The following AKIRIN2 variants were observed in gnomAD, a reference collection of about 807,000 sequenced individuals.
AKIRIN2 encodes akirin 2, also known as akirin-2.
Under a neutral mutation model 29.3 loss-of-function variants are expected in AKIRIN2, and 6 were observed. The ratio of observed to expected loss-of-function variants is 0.20; its 90% CI spans 0.11 to 0.40. The LOEUF is 0.40. Among genes scored for constraint, AKIRIN2 ranks in the 10% least tolerant of loss-of-function variants. The pLI is 1.00. For synonymous variants in AKIRIN2, 128 were observed against 117.5 expected (o/e 1.09, Z -0.58); for missense variants, 210 against 276.1 (o/e 0.76, Z 1.70).
Position 87,681,605 on chromosome 6 carries a change from A to G in AKIRIN2, c.379+15T>C. ...CTAAATAATAAACTTTGTAAATGAC[A>G]AGAAATGTTATTACCTGGTGAAGCT... On this transcript the variant is annotated intron_variant, in intron 2 of 4. Coordinates refer to ENST00000257787, the MANE Select transcript of AKIRIN2 (RefSeq NM_018064.4). 1.3e-6 allele frequency: 2 copies of G among 1,592,654 alleles called. No homozygotes were observed. The highest frequency in any genetic ancestry group is 2.3e-5 in the South Asian group (2 of 86,686).
intron 1 of AKIRIN2, among the ~76,000 whole-genome samples, chr6:87,686,171 T>C (rs1298553982): frequency 6.6e-6 from 1 of 152,046 alleles, no homozygotes; most frequent in African/African-American, 2.4e-5. Flanking sequence ...GCTGAGATCA[T>C]GCCACTGCAC....
At chr6:87,690,974 A>G (rs1469156218) in intron 1 of AKIRIN2, among the ~76,000 whole-genome samples, 1 of 152,026 alleles carries the variant, frequency 6.6e-6, no homozygotes, top group Non-Finnish European at 1.5e-5. Context: ...CGGTTTCAAC[A>G]ACAACAACAA....
At chr6:87,700,848 T>C (rs1326660542) in intron 1 of AKIRIN2, 1 of 154,754 alleles carries the variant, frequency 6.5e-6, no homozygotes, top group Non-Finnish European at 1.5e-5. Context: ...TTGACCCTGC[T>C]AGGGAAACAG....
intron 1 of AKIRIN2, among the ~76,000 whole-genome samples, chr6:87,696,801 T>A (rs1250161207): frequency 1.4e-5 from 2 of 139,786 alleles, no homozygotes; most frequent in Non-Finnish European, 3.1e-5. Flanking sequence ...AGGTGAGGAG[T>A]TCAAGACCAA....
chr6:87,676,781 A>C lies in AKIRIN2; in HGVS notation c.530-850T>G, dbSNP rs534169217. The stretch of plus-strand genomic sequence containing the variant: ...GGCGACAGAGTGAGACTCCATCTTA[A>C]AAAAAAAACAATTGGCCGGGCATGG... On this transcript the variant is annotated intron_variant, in intron 3 of 4. Coordinates refer to ENST00000257787, the MANE Select transcript of AKIRIN2 (RefSeq NM_018064.4). Among the ~76,000 whole-genome samples the C allele has an allele frequency of 6.2e-4, 93 of 148,828 alleles. 1 individual carries two copies. Among genetic ancestry groups the C allele is most frequent in the Non-Finnish European group, 1.2e-3 (78 of 67,138 alleles).
At chr6:87,677,475 C>T (rs3763177) in intron 3 of AKIRIN2, among the ~76,000 whole-genome samples, 20,109 of 152,066 alleles carry the variant, frequency 0.13, 1,505 homozygotes, top group African/African-American at 0.2. Context: ...TACACAGTGA[C>T]AGCCAATTAG....
chr6:87,683,313 G>C (rs139713752), intron 1 of AKIRIN2, among the ~76,000 whole-genome samples: 2 of 152,162 alleles, frequency 1.3e-5, no homozygotes, highest in African/African-American at 4.8e-5. Flanking sequence ...TGGTTATGTC[G>C]GGGTGCTTTA....
At chr6:87,695,228 A>C (rs1386868124) in intron 1 of AKIRIN2, among the ~76,000 whole-genome samples, 1 of 152,208 alleles carries the variant, frequency 6.6e-6, no homozygotes, top group African/African-American at 2.4e-5. Context: ...AAATATACTT[A>C]AAGTTCCTCA....
In AKIRIN2 at chr6:87,677,862, T is replaced by C. The variant is rs1023976302; in HGVS notation, c.485A>G (p.Lys162Arg). 4 of 1,614,154 alleles carry C rather than the reference T, an allele frequency of 2.5e-6. No homozygotes were observed. Among genetic ancestry groups the C allele is most frequent in the Non-Finnish European group, 3.4e-6 (4 of 1,180,024 alleles). ...CERLLKEREE[K>R]VREEYEEILN... ...TATTTCTTCATATTCTTCTCGAACTTTCTCTTCACGTTCTTTCAACAAACG... is the reference window on the plus strand; with the variant it reads ...TATTTCTTCATATTCTTCTCGAACTCTCTCTTCACGTTCTTTCAACAAACG... The change falls in exon 3 of 5, where the codon AAA (lysine) becomes AGA (arginine). Residue 162 changes from lysine to arginine, a missense_variant. This residue lies in a region of AKIRIN2 where 199 missense variants were observed against 236.5 expected (regional missense o/e 0.84). Coordinates refer to ENST00000257787, the MANE Select transcript of AKIRIN2 (RefSeq NM_018064.4).
chr6:87,682,184 G>C (rs1473582678), intron 1 of AKIRIN2, among the ~76,000 whole-genome samples: 1 of 152,200 alleles, frequency 6.6e-6, no homozygotes, highest in Non-Finnish European at 1.5e-5. Context: ...TAAATAAGAA[G>C]GGGCTTGGGA....
chr6:87,696,598 G>A (rs1771369218), intron 1 of AKIRIN2, among the ~76,000 whole-genome samples: 1 of 151,584 alleles, frequency 6.6e-6, no homozygotes, highest in Non-Finnish European at 1.5e-5. Context: ...CTACTTGGTA[G>A]GCTGAGGCAG....
intron 4 of AKIRIN2, 47 bp from the exon 5 acceptor site, chr6:87,675,654 C>A (rs1189433817): frequency 8.1e-6 from 13 of 1,607,314 alleles, no homozygotes; most frequent in Non-Finnish European, 1.1e-5. Flanking sequence ...AGGTCAAAAT[C>A]CAAACGAATA....
chr6:87,680,124 T>G (rs2128301095), intron 2 of AKIRIN2, among the ~76,000 whole-genome samples: 1 of 152,286 alleles, frequency 6.6e-6, no homozygotes, highest in African/African-American at 2.4e-5. Context: ...AGTAAGGAAA[T>G]AATGATCTTG....
At chr6:87,686,323 C>G (rs1771184672) in intron 1 of AKIRIN2, among the ~76,000 whole-genome samples, 1 of 151,942 alleles carries the variant, frequency 6.6e-6, no homozygotes, top group Admixed American at 6.6e-5. Context: ...ACAATATAAA[C>G]AGGAGAATGT....
In AKIRIN2 at chr6:87,681,663, A is replaced by C. The variant is rs368094512; in HGVS notation, c.336T>G (p.Asp112Glu). 6.2e-6 allele frequency: 10 copies of C among 1,613,378 alleles called. No homozygotes were observed. The highest frequency in any genetic ancestry group is 8.5e-6 in the Non-Finnish European group (10 of 1,179,848). The change falls in exon 2 of 5, where the codon GAT (aspartate) becomes GAG (glutamate). Residue 112 changes from aspartate (D) to glutamate (E), a missense_variant. Physicochemically the swap from Asp to Glu is conservative, Grantham distance 45 (BLOSUM62 2). This residue lies in a region of AKIRIN2 where 199 missense variants were observed against 236.5 expected (regional missense o/e 0.84). Coordinates refer to ENST00000257787, the MANE Select transcript of AKIRIN2 (RefSeq NM_018064.4). Reference protein sequence around the residue: ...FQQTDPCCTSDAQPHAFLLSG... With the variant: ...FQQTDPCCTSEAQPHAFLLSG... ...TGAGGAGAAATGCATGTGGCTGTGC[A>C]TCAGAAGTACAACACGGATCTGTCT...
At chr6:87,687,849 A>G (rs1771213076) in intron 1 of AKIRIN2, among the ~76,000 whole-genome samples, 1 of 152,230 alleles carries the variant, frequency 6.6e-6, no homozygotes, top group Non-Finnish European at 1.5e-5. Flanking sequence ...AAAATAGAGT[A>G]ATAACAAAGA....
chr6:87,681,926 G>A (rs906239089), intron 1 of AKIRIN2, among the ~76,000 whole-genome samples, 163 bp from the exon 2 acceptor site: 1 of 152,274 alleles, frequency 6.6e-6, no homozygotes, highest in Non-Finnish European at 1.5e-5. Flanking sequence ...CATAAATGGG[G>A]ACATTCACTT....
chr6:87,690,839 G>A (rs916610349), intron 1 of AKIRIN2, among the ~76,000 whole-genome samples: 12 of 151,968 alleles, frequency 7.9e-5, no homozygotes, highest in African/African-American at 2.9e-4. Context: ...CGGGCATAAT[G>A]GCGGGCACCT....
chr6:87,693,073 C>T (rs1456342544), intron 1 of AKIRIN2, among the ~76,000 whole-genome samples: 1 of 151,658 alleles, frequency 6.6e-6, no homozygotes, highest in Admixed American at 6.6e-5. Flanking sequence ...ACTAAAAATA[C>T]AAAAAAGTAG....
Sources: gnomAD v4.1 joint callset for allele counts (sites outside exome capture counted in the v4.1 genomes callset) on GRCh38, gnomAD v4.1.1 for gene constraint, gnomAD v4.1.1 regional missense constraint, MANE v1.5 for transcripts, NCBI Gene and HGNC (gene_info 2026-07-23, HGNC 2026-07-21) for gene names.